The following SLC2A9 variants were observed in gnomAD, a reference collection of about 807,000 sequenced individuals.
SLC2A9 encodes solute carrier family 2, facilitated glucose transporter member 9.
A neutral mutation model predicts 50.6 loss-of-function variants in SLC2A9; 39 were observed. The observed-to-expected ratio is 0.77, with a 90% CI of 0.60 to 1.01. The LOEUF is 1.01. Ranked by LOEUF, SLC2A9 falls within the 50% of genes least tolerant of loss-of-function variation. The pLI, the probability that SLC2A9 is intolerant of heterozygous loss-of-function variation, is 0.00. For missense variants in SLC2A9, 686 were observed against 677.6 expected (o/e 1.01, Z -0.14); for synonymous variants, 324 against 276.9 (o/e 1.17, Z -1.69).
intron 1 of SLC2A9, among the ~76,000 whole-genome samples, chr4:10,037,122 A>G (rs976088377): frequency 7.2e-5 from 11 of 152,190 alleles, no homozygotes; most frequent in African/African-American, 2.7e-4. Flanking sequence ...TGATTTATGT[A>G]CCATAAAATG....
At chr4:9,901,792 T>C (rs1037247260) in intron 8 of SLC2A9, among the ~76,000 whole-genome samples, 3 of 152,092 alleles carry the variant, frequency 2.0e-5, no homozygotes, top group Non-Finnish European at 2.9e-5. Context: ...GGGAGACCCA[T>C]TGGCTCAAAT....
chr4:9,844,160 T>TAAAAAAAAAAAA (rs1728554726), intron 10 of SLC2A9, among the ~76,000 whole-genome samples: 1 of 77,034 alleles, frequency 1.3e-5, no homozygotes, highest in Non-Finnish European at 2.1e-5. Flanking sequence ...AAAAAAAAAA[T>TAAAAAAAAAAAA]AATAATAAAA....
intron 2 of SLC2A9, among the ~76,000 whole-genome samples, chr4:9,997,781 GA>G (rs58145141): frequency 4.7e-5 from 7 of 148,926 alleles, no homozygotes; most frequent in Admixed American, 1.3e-4. Flanking sequence ...AGCCATAAAA[GA>G]AAAAAAAATG....
In SLC2A9 at chr4:9,971,019, C is replaced by T. The variant is rs368494202; in HGVS notation, c.681+9573G>A. Among the ~76,000 whole-genome samples the T allele has an allele frequency of 4.3e-3, 654 of 152,224 alleles. 2 individuals carry two copies. The highest frequency in any genetic ancestry group is 5.7e-3 in the Non-Finnish European group (388 of 68,020). On this transcript the variant is annotated intron_variant, in intron 5 of 11. Coordinates refer to ENST00000264784, the MANE Select transcript of SLC2A9 (RefSeq NM_020041.3). ...ACCGCCTGCTTGGTCAAATCAATCA[C>T]GACCCTTTCATGTAAAATCTTTAGT...
chr4:9,836,805 G>A (rs1560172382), intron 10 of SLC2A9, among the ~76,000 whole-genome samples: 1 of 152,214 alleles, frequency 6.6e-6, no homozygotes, highest in Non-Finnish European at 1.5e-5. Flanking sequence ...AGTCCAGGGA[G>A]GAGGCAATGG....
chr4:9,938,559 C>T (rs1435126133), intron 6 of SLC2A9, among the ~76,000 whole-genome samples: 1 of 152,194 alleles, frequency 6.6e-6, no homozygotes, highest in African/African-American at 2.4e-5. Flanking sequence ...GCGTGAGCCA[C>T]TGCGCCTGGC....
intron 1 of SLC2A9, among the ~76,000 whole-genome samples, chr4:10,032,907 T>C (rs996124591): frequency 6.6e-6 from 1 of 152,122 alleles, no homozygotes; most frequent in Non-Finnish European, 1.5e-5. Context: ...CCAAGCTGAG[T>C]CACCAATTCT....
At position 10,020,799 on chromosome 4, in the gene SLC2A9, G is replaced by A. The variant is rs114544747; in HGVS notation, c.150+481C>T. On this transcript the variant is annotated intron_variant, in intron 1 of 11. Coordinates refer to ENST00000264784, the MANE Select transcript of SLC2A9 (RefSeq NM_020041.3). ...AGATTGGGAGCACCTGGTGTGAAGT[G>A]CCCCTGCCAGAGGCTGGTGAAGGGC... 4.7e-3 allele frequency among the ~76,000 whole-genome samples: 712 copies of A among 152,310 alleles called. 6 individuals are homozygous for A. The highest frequency in any genetic ancestry group is 0.016 in the African/African-American group (667 of 41,564).
At chr4:9,942,650 C>G (rs180931976) in intron 5 of SLC2A9, among the ~76,000 whole-genome samples, 8 of 152,330 alleles carry the variant, frequency 5.3e-5, no homozygotes, top group Admixed American at 3.3e-4. Flanking sequence ...GCAAACAGAT[C>G]CCTACGACAC....
upstream of SLC2A9, among the ~76,000 whole-genome samples, chr4:10,024,928 T>G (rs890486499): frequency 6.6e-6 from 1 of 152,236 alleles, no homozygotes; most frequent in Non-Finnish European, 1.5e-5. Context: ...TTGACTCACC[T>G]AATGTAAGCA....
chr4:9,991,815 C>A (rs974312942), intron 3 of SLC2A9, among the ~76,000 whole-genome samples: 3 of 152,192 alleles, frequency 2.0e-5, no homozygotes, highest in Non-Finnish European at 4.4e-5. Flanking sequence ...AGGAAAAGAC[C>A]TGCCGACACT....
At chr4:9,969,714 C>T (rs1560408238) in intron 5 of SLC2A9, among the ~76,000 whole-genome samples, 1 of 152,166 alleles carries the variant, frequency 6.6e-6, no homozygotes, top group Non-Finnish European at 1.5e-5. Flanking sequence ...TGGCGGCAGG[C>T]AAGAGACAGC....
At chr4:9,892,547 C>T (rs1560254730) in intron 8 of SLC2A9, among the ~76,000 whole-genome samples, 1 of 152,164 alleles carries the variant, frequency 6.6e-6, no homozygotes, top group Non-Finnish European at 1.5e-5. Context: ...TGCCACTTAG[C>T]CTTCTTTGCA....
intron 3 of SLC2A9, chr4:9,783,769 C>G (rs1327149890): frequency 3.5e-6 from 1 of 282,636 alleles, no homozygotes; most frequent in African/African-American, 2.2e-5. Context: ...AAAATATGCT[C>G]TCCCCTCCCT....
intron 10 of SLC2A9, among the ~76,000 whole-genome samples, chr4:9,860,466 G>C (rs1731431458): frequency 6.6e-6 from 1 of 152,236 alleles, no homozygotes; most frequent in Admixed American, 6.5e-5. Flanking sequence ...GGAGTATTTA[G>C]AAATGAATTA....
At chr4:9,776,090 G>A (rs114667340), downstream of SLC2A9, among the ~76,000 whole-genome samples, 1,390 of 152,164 alleles carry the variant, frequency 9.1e-3, 28 homozygotes, top group African/African-American at 0.031. Context: ...ATCTGCTGGG[G>A]GCCATCTCTG....
chr4:10,014,934 C>T lies in SLC2A9; in HGVS notation c.249+4041G>A, dbSNP rs77570703. Among the ~76,000 whole-genome samples the T allele has an allele frequency of 1.8e-4, 28 of 152,300 alleles. No homozygotes were observed. The East Asian group carries it at 5.4e-3, about 29-fold the overall frequency. ...CAGGAAGAGGTTACATGACCCCAAA[C>T]CCCATAGGGAGGGGAAGAGTTTGGG... On this transcript the variant is annotated intron_variant, in intron 2 of 11. Transcript: ENST00000264784.
At chr4:10,013,404 G>C (rs565434811) in intron 2 of SLC2A9, among the ~76,000 whole-genome samples, 1 of 152,182 alleles carries the variant, frequency 6.6e-6, no homozygotes, top group Non-Finnish European at 1.5e-5. Flanking sequence ...TTGGAAAGTT[G>C]GGTGGCCAGG....
chr4:9,957,627 G>A (rs1751524578), intron 5 of SLC2A9, among the ~76,000 whole-genome samples: 1 of 152,060 alleles, frequency 6.6e-6, no homozygotes, highest in Non-Finnish European at 1.5e-5. Flanking sequence ...TAAAAAACAA[G>A]AACAGGACTC....
Sources: gnomAD v4.1 joint callset for allele counts (sites outside exome capture counted in the v4.1 genomes callset) on GRCh38, gnomAD v4.1.1 for gene constraint, MANE v1.5 for transcripts, NCBI Gene and HGNC (gene_info 2026-07-23, HGNC 2026-07-21) for gene names.